Variants in CNTNAP2 observed in about 807,000 individuals in gnomAD.
The protein encoded by CNTNAP2 is contactin associated protein 2.
Under a neutral mutation model 155.2 loss-of-function variants are expected in CNTNAP2, and 98 were observed. The observed-to-expected ratio is 0.63, with a 90% CI of 0.54 to 0.75. The LOEUF is 0.75. CNTNAP2 is among the 30% of genes least tolerant of loss of function. The pLI, the probability that CNTNAP2 is intolerant of heterozygous loss-of-function variation, is 0.00. For missense variants in CNTNAP2, 1,727 were observed against 1,688.1 expected (o/e 1.02, Z -0.40); for synonymous variants, 651 against 631.2 (o/e 1.03, Z -0.47).
At chr7:147,980,614 GC>G (rs1801506133) in intron 15 of CNTNAP2, among the ~76,000 whole-genome samples, 1 of 152,050 alleles carries the variant, frequency 6.6e-6, no homozygotes, top group South Asian at 2.1e-4. Context: ...CAGTTGTGAA[GC>G]CCATGTTCCC....
intron 8 of CNTNAP2, among the ~76,000 whole-genome samples, chr7:147,199,542 T>C (rs1217685272): frequency 2.0e-5 from 3 of 152,150 alleles, no homozygotes; most frequent in Non-Finnish European, 2.9e-5. Flanking sequence ...ATGTTTTACA[T>C]TATGTGCCTT....
intron 3 of CNTNAP2, among the ~76,000 whole-genome samples, chr7:146,955,526 T>A (rs1797415183): frequency 6.6e-6 from 1 of 152,116 alleles, no homozygotes; most frequent in East Asian, 1.9e-4. Flanking sequence ...GTGACTACAG[T>A]GTGCCTCACT....
intron 1 of CNTNAP2, among the ~76,000 whole-genome samples, chr7:146,327,024 T>C (rs780763885): frequency 4.6e-5 from 7 of 152,166 alleles, no homozygotes; most frequent in Non-Finnish European, 7.4e-5. Context: ...TTCAAGACCA[T>C]GGTGCCACTT....
At chr7:146,976,770 G>T (rs929028295) in intron 3 of CNTNAP2, among the ~76,000 whole-genome samples, 15 of 152,128 alleles carry the variant, frequency 9.9e-5, no homozygotes, top group African/African-American at 3.4e-4. Context: ...GAAGGGTAAG[G>T]TATAGTCCTC....
chr7:147,395,841 G>A, intron 10 of CNTNAP2, 61 bp downstream of exon 10: 1 of 1,582,546 alleles, frequency 6.3e-7, no homozygotes, highest in Non-Finnish European at 8.7e-7. Context: ...TGTTTCTGTT[G>A]TGAGACCAGT....
At chr7:146,917,078 A>G (rs1393786851) in intron 3 of CNTNAP2, among the ~76,000 whole-genome samples, 1 of 152,200 alleles carries the variant, frequency 6.6e-6, no homozygotes, top group Non-Finnish European at 1.5e-5. Context: ...TTGTTGACCC[A>G]ATGATCATTG....
intron 1 of CNTNAP2, among the ~76,000 whole-genome samples, chr7:146,735,734 C>CATATGCATATATATT (rs1400866950): frequency 7.4e-6 from 1 of 135,238 alleles, no homozygotes; most frequent in African/African-American, 3.9e-5. Flanking sequence ...GAGAATAGAA[C>CATATGCATATATATT]TGTAGTTACT....
intron 15 of CNTNAP2, among the ~76,000 whole-genome samples, chr7:148,109,453 C>T (rs768900627): frequency 2.0e-5 from 3 of 152,030 alleles, no homozygotes; most frequent in Non-Finnish European, 4.4e-5. Context: ...GGTGCGATCT[C>T]GGCTCACCGC....
chr7:147,870,342 C>T (rs76974490), intron 13 of CNTNAP2, among the ~76,000 whole-genome samples: 2,807 of 152,228 alleles, frequency 0.018, 92 homozygotes, highest in East Asian at 0.15. Context: ...CATGGGAAGT[C>T]CTTGAGCTAA....
chr7:146,221,728 C>T (rs1799211500), intron 1 of CNTNAP2, among the ~76,000 whole-genome samples: 1 of 152,170 alleles, frequency 6.6e-6, no homozygotes. Flanking sequence ...GAGAGCACTT[C>T]TAACATAAAT....
intron 8 of CNTNAP2, among the ~76,000 whole-genome samples, chr7:147,224,045 C>A (rs1408600888): frequency 2.5e-4 from 12 of 48,890 alleles, no homozygotes; most frequent in African/African-American, 8.1e-4. Context: ...ACCTGGAGAA[C>A]TGTCAGCCAG....
At chr7:147,383,405 T>A (rs1796571955) in intron 9 of CNTNAP2, among the ~76,000 whole-genome samples, 1 of 152,328 alleles carries the variant, frequency 6.6e-6, no homozygotes, top group Non-Finnish European at 1.5e-5. Context: ...ATGGATTGTT[T>A]TAGATAAGTA....
chr7:148,148,645 G>A (rs1245424070), intron 17 of CNTNAP2, among the ~76,000 whole-genome samples: 2 of 152,236 alleles, frequency 1.3e-5, no homozygotes, highest in African/African-American at 2.4e-5. Flanking sequence ...CAGCCTCACT[G>A]AGAGCCAGTT....
In CNTNAP2 at chr7:147,924,143, C is replaced by CT. The variant is rs71527854; in HGVS notation, c.2255+20435dup. Among the ~76,000 whole-genome samples the CT allele has an allele frequency of 5.7e-4, 71 of 123,480 alleles. 1 individual carries two copies. Among genetic ancestry groups the CT allele is most frequent in the South Asian group, 1.3e-3 (5 of 3,818 alleles). 81.0% of individuals were successfully genotyped at this position (123,480 alleles called of 152,430 possible). A position where few individuals can be genotyped will look rare whatever the true frequency, so the allele number is the denominator to read the frequency against. On this transcript the variant is annotated intron_variant, in intron 14 of 23. Coordinates refer to ENST00000361727, the MANE Select transcript of CNTNAP2 (RefSeq NM_014141.6). ...GCACTTTTTTCTTTTCTTTTCTTTT[C>CT]TTTTTTTTTTTTTGAGACAGAGTTT...
intron 15 of CNTNAP2, among the ~76,000 whole-genome samples, chr7:148,018,238 G>A (rs66949315): frequency 0.34 from 51,909 of 152,084 alleles, 9,921 homozygotes; most frequent in African/African-American, 0.52. Flanking sequence ...CTATTGATTT[G>A]TTGAGGTGTT....
intron 12 of CNTNAP2, among the ~76,000 whole-genome samples, chr7:147,635,181 A>G (rs151182344): frequency 7.8e-6 from 1 of 127,492 alleles, no homozygotes; most frequent in African/African-American, 4.0e-5. Context: ...TATCACTGGC[A>G]AACTATATAT....
chr7:146,858,181 G>T (rs1795030126), intron 3 of CNTNAP2, among the ~76,000 whole-genome samples: 1 of 152,196 alleles, frequency 6.6e-6, no homozygotes, highest in Non-Finnish European at 1.5e-5. Flanking sequence ...GGACATGAAG[G>T]TTTTCTCTTG....
At chr7:146,655,353 G>A (rs1157723117) in intron 1 of CNTNAP2, among the ~76,000 whole-genome samples, 1 of 141,032 alleles carries the variant, frequency 7.1e-6, no homozygotes, top group Non-Finnish European at 1.5e-5. Flanking sequence ...GACAGAGGTT[G>A]CAGTGAGTCG....
intron 14 of CNTNAP2, among the ~76,000 whole-genome samples, chr7:147,906,891 A>G (rs533824726): frequency 1.2e-4 from 18 of 152,222 alleles, no homozygotes; most frequent in East Asian, 5.8e-4. Context: ...GCAAGCTTCA[A>G]TTGAGTTCTA....
Sources: allele counts gnomAD v4.1 joint callset (sites outside exome capture counted in the v4.1 genomes callset), GRCh38; gene constraint gnomAD v4.1.1; transcripts MANE v1.5; gene names NCBI Gene and HGNC (gene_info 2026-07-23, HGNC 2026-07-21).